Variants in SORCS2 observed in about 807,000 individuals in gnomAD.
SORCS2 encodes the protein sortilin related VPS10 domain containing receptor 2.
SORCS2 carries 100 observed loss-of-function variants against 141.6 expected under a neutral mutation model. The ratio of observed to expected loss-of-function variants is 0.71; its 90% CI spans 0.60 to 0.83. SORCS2 has a LOEUF of 0.83. SORCS2 is among the 40% of genes least tolerant of loss of function. The pLI is 0.00. For missense variants in SORCS2, 1,646 were observed against 1,560.2 expected (o/e 1.05, Z -0.93); for synonymous variants, 789 against 676.9 (o/e 1.17, Z -2.57).
chr4:7,212,339 G>A (rs4689640), intron 1 of SORCS2, among the ~76,000 whole-genome samples: 109,029 of 152,134 alleles, frequency 0.72, 39,245 homozygotes, highest in African/African-American at 0.78. Context: ...CTGCCTTTGT[G>A]TCTCCTGCAA....
intron 2 of SORCS2, among the ~76,000 whole-genome samples, chr4:7,481,035 C>G (rs1209516816): frequency 6.6e-6 from 1 of 152,264 alleles, no homozygotes; most frequent in Admixed American, 6.5e-5. Context: ...CCTCCCTTTT[C>G]TTTGAAATCA....
chr4:7,593,285 A>G (rs943998151), intron 3 of SORCS2, among the ~76,000 whole-genome samples: 1 of 152,198 alleles, frequency 6.6e-6, no homozygotes, highest in Non-Finnish European at 1.5e-5. Context: ...CCAAAGAAGT[A>G]GCTAAGATCA....
chr4:7,367,011 T>G (rs1290763172), intron 1 of SORCS2, among the ~76,000 whole-genome samples: 1 of 152,224 alleles, frequency 6.6e-6, no homozygotes, highest in Admixed American at 6.5e-5. Flanking sequence ...TGCAGTGAGC[T>G]TCCCAAGCCG....
intron 2 of SORCS2, among the ~76,000 whole-genome samples, chr4:7,523,939 G>A (rs34082507): frequency 0.017 from 2,640 of 152,298 alleles, 46 homozygotes; most frequent in Non-Finnish European, 0.029. Context: ...CTCTTCCTGG[G>A]GATGACGCAC....
rs569025374 is a variant in SORCS2, at chr4:7,672,312, A to G, written c.1162-3738A>G. On this transcript the variant is annotated intron_variant, in intron 8 of 26. Transcript: ENST00000507866. ...AGAAATGACTTATTACATACAAGCA[A>G]TAATCAATATGATCATCAACAGATG... is the stretch of plus-strand genomic sequence containing the variant. 2.6e-5 allele frequency among the ~76,000 whole-genome samples: 4 copies of G among 152,322 alleles called. No individual in the cohort carries two copies. In the South Asian group the frequency reaches 6.2e-4, roughly 24 times the overall value.
At chr4:7,454,888 G>A (rs1237773955) in intron 2 of SORCS2, among the ~76,000 whole-genome samples, 3 of 132,806 alleles carry the variant, frequency 2.3e-5, no homozygotes, top group African/African-American at 5.7e-5. Flanking sequence ...TTGGGGTCAG[G>A]TGCTGTGTTG....
intron 5 of SORCS2, among the ~76,000 whole-genome samples, chr4:7,657,586 T>G (rs558889093): frequency 6.6e-6 from 1 of 152,300 alleles, no homozygotes; most frequent in Admixed American, 6.5e-5. Context: ...ACTGAATGAA[T>G]GAATGAGCGG....
chr4:7,593,410 C>T (rs1717044847), intron 3 of SORCS2, among the ~76,000 whole-genome samples: 1 of 152,190 alleles, frequency 6.6e-6, no homozygotes, highest in Non-Finnish European at 1.5e-5. Flanking sequence ...GGAAAGCAGG[C>T]TGTGACAGGT....
At chr4:7,501,695 T>C (rs952252652) in intron 2 of SORCS2, among the ~76,000 whole-genome samples, 6 of 152,350 alleles carry the variant, frequency 3.9e-5, no homozygotes, top group Non-Finnish European at 7.3e-5. Flanking sequence ...CCTGTGTGTC[T>C]GGAGACTGAA....
intron 1 of SORCS2, among the ~76,000 whole-genome samples, chr4:7,297,294 A>G (rs905599691): frequency 2.6e-5 from 4 of 152,138 alleles, no homozygotes; most frequent in African/African-American, 9.7e-5. Flanking sequence ...ATGAGCCCCC[A>G]GAGTCGGTGG....
At chr4:7,725,697 G>A (rs1198853270) in intron 20 of SORCS2, among the ~76,000 whole-genome samples, 1 of 152,198 alleles carries the variant, frequency 6.6e-6, no homozygotes. Context: ...TCAGAGGCCT[G>A]GGTTGTACCC....
At chr4:7,340,429 G>A (rs988650739) in intron 1 of SORCS2, among the ~76,000 whole-genome samples, 1 of 152,226 alleles carries the variant, frequency 6.6e-6, no homozygotes, top group South Asian at 2.1e-4. Flanking sequence ...GAGCCTCTGC[G>A]TGTCCTGGCG....
chr4:7,616,166 C>T (rs1718742175), intron 3 of SORCS2, among the ~76,000 whole-genome samples: 1 of 152,158 alleles, frequency 6.6e-6, no homozygotes, highest in African/African-American at 2.4e-5. Context: ...GAATCATCTC[C>T]CTGAGCCCTA....
At chr4:7,414,311 G>A (rs916326192) in intron 2 of SORCS2, among the ~76,000 whole-genome samples, 1 of 152,112 alleles carries the variant, frequency 6.6e-6, no homozygotes, top group Admixed American at 6.5e-5. Context: ...TCCTACCCCC[G>A]GGCATGCTGG....
At position 7,723,882 on chromosome 4, in the gene SORCS2, CT is replaced by C; in HGVS notation, c.2611del (p.Ser871ProfsTer20). On this transcript the variant is annotated frameshift_variant and splice_region_variant, in exon 19 of 27. Coordinates refer to ENST00000507866, the MANE Select transcript of SORCS2 (RefSeq NM_020777.3). LOFTEE classifies it high-confidence loss of function. Reference protein sequence around the residue: ...DEAVLFVQVNSPLQALYLEVV... With the variant: ...DEAVLFVQVNXPLQALYLEVV... The stretch of plus-strand genomic sequence containing the variant: ...AGGCGGTGCTCTTTGTCCAGGTCAA[CT>C]GTAAGTTTATTGCCCCTTTGAGGCC... 1 of 1,600,188 alleles carries C rather than the reference CT, an allele frequency of 6.2e-7. No individual in the cohort carries two copies. The highest frequency in any genetic ancestry group is 8.5e-7 in the Non-Finnish European group (1 of 1,176,334).
At chr4:7,587,536 C>T (rs765284123) in intron 3 of SORCS2, among the ~76,000 whole-genome samples, 12 of 152,202 alleles carry the variant, frequency 7.9e-5, no homozygotes, top group Admixed American at 2.0e-4. Context: ...TTCTGGGCAG[C>T]GCCTTGATTA....
At chr4:7,724,686 G>T (rs1726994984) in intron 19 of SORCS2, among the ~76,000 whole-genome samples, 1 of 114,994 alleles carries the variant, frequency 8.7e-6, no homozygotes, top group Non-Finnish European at 1.9e-5. Context: ...TAGTGGTGAT[G>T]GTGGTGGTGT....
intron 8 of SORCS2, 24 bp from the exon 9 acceptor site, chr4:7,676,026 T>C (rs1215298572): frequency 6.4e-7 from 1 of 1,561,504 alleles, no homozygotes; most frequent in Non-Finnish European, 8.7e-7. Flanking sequence ...GCTCTGACCC[T>C]GTGCTCCCTG....
intron 1 of SORCS2, among the ~76,000 whole-genome samples, chr4:7,384,657 G>C (rs1421185318): frequency 6.6e-6 from 1 of 152,170 alleles, no homozygotes; most frequent in Non-Finnish European, 1.5e-5. Flanking sequence ...GACCCTTCTT[G>C]GGAGACAGTG....
Sources: gnomAD v4.1 joint callset for allele counts (sites outside exome capture counted in the v4.1 genomes callset) on GRCh38, gnomAD v4.1.1 for gene constraint, MANE v1.5 for transcripts, NCBI Gene and HGNC (gene_info 2026-07-23, HGNC 2026-07-21) for gene names.